The following NTM variants were observed in gnomAD, a reference collection of about 807,000 sequenced individuals.
NTM encodes neurotrimin, also known as IgLON family member 2.
A neutral mutation model predicts 42.1 loss-of-function variants in NTM; 13 were observed. That is an observed-to-expected ratio of 0.31 (90% CI 0.20 to 0.49). The LOEUF is 0.49. NTM is among the 20% of genes least tolerant of loss of function. The pLI is 0.99. For synonymous variants in NTM, 187 were observed against 179.2 expected, an observed-to-expected ratio of 1.04 and a Z score of -0.35; for missense variants, 373 against 452.8, an observed-to-expected ratio of 0.82 and a Z score of 1.60.
chr11:132,130,088 G>A (rs1227238935), intron 2 of NTM, among the ~76,000 whole-genome samples: 1 of 152,204 alleles, frequency 6.6e-6, no homozygotes, highest in African/African-American at 2.4e-5. Flanking sequence ...TAGGACTTTG[G>A]GAGTAGGAGA....
chr11:131,525,349 T>C (rs1437355335), intron 1 of NTM, among the ~76,000 whole-genome samples: 1 of 152,200 alleles, frequency 6.6e-6, no homozygotes. Flanking sequence ...TTGGAAGCTC[T>C]GTTTGAATGT....
chr11:132,324,852 G>C (rs1232893804), intron 7 of NTM, among the ~76,000 whole-genome samples: 32 of 150,180 alleles, frequency 2.1e-4, no homozygotes, highest in East Asian at 2.0e-3. Context: ...ACAGAGCCCT[G>C]AGAAATAATG....
At chr11:132,177,348 ATAT>A (rs2076974661) in intron 3 of NTM, among the ~76,000 whole-genome samples, 1 of 152,204 alleles carries the variant, frequency 6.6e-6, no homozygotes, top group Non-Finnish European at 1.5e-5. Context: ...ACACAAGTAA[ATAT>A]TATAGCTCAG....
At chr11:131,448,813 C>T (rs866879531) in intron 1 of NTM, among the ~76,000 whole-genome samples, 2 of 152,314 alleles carry the variant, frequency 1.3e-5, no homozygotes, top group African/African-American at 2.4e-5. Context: ...CCGGAAGTCA[C>T]GACAAGCCTG....
intron 1 of NTM, among the ~76,000 whole-genome samples, chr11:131,741,162 T>TGAGAGAGAGAGAGAGA (rs71067330): frequency 6.9e-5 from 9 of 129,826 alleles, no homozygotes; most frequent in South Asian, 2.8e-4. Flanking sequence ...AAGACCCCGT[T>TGAGAGAGAGAGAGAGA]GAGAGAGAGA....
At chr11:131,664,490 A>G (rs2068640976) in intron 1 of NTM, among the ~76,000 whole-genome samples, 1 of 152,148 alleles carries the variant, frequency 6.6e-6, no homozygotes. Context: ...AGCCTAGTGG[A>G]GAGCAAAATT....
rs137992234 is a variant in NTM at position 131,807,247 on chromosome 11, C to T, written c.83-104317C>T. 7.7e-4 allele frequency among the ~76,000 whole-genome samples: 118 copies of T among 152,298 alleles called. 1 individual carries two copies. Among genetic ancestry groups the T allele is most frequent in the Middle Eastern group, 3.4e-3 (1 of 294 alleles). On this transcript the variant is annotated intron_variant, in intron 1 of 8. Coordinates refer to ENST00000683400, the MANE Select transcript of NTM (RefSeq NM_001352005.2). The stretch of plus-strand genomic sequence containing the variant: ...GGAATACCACGCTTGGGAATCCAGA[C>T]TTTATTTGATAGGGAATGGGAGCTT...
intron 1 of NTM, among the ~76,000 whole-genome samples, chr11:131,903,108 G>GA (rs1172433317): frequency 2.1e-5 from 3 of 142,898 alleles, no homozygotes; most frequent in South Asian, 2.4e-4. Context: ...AGGAAACACA[G>GA]AAAAAATCCC....
chr11:132,319,143 CCAAG>C (rs2095502648), intron 7 of NTM, among the ~76,000 whole-genome samples: 1 of 152,158 alleles, frequency 6.6e-6, no homozygotes, highest in South Asian at 2.1e-4. Flanking sequence ...AGCTGAGGAG[CCAAG>C]ATGGCCGAAT....
chr11:131,523,141 G>T (rs1483352796), intron 1 of NTM, among the ~76,000 whole-genome samples: 2 of 152,214 alleles, frequency 1.3e-5, no homozygotes, highest in Non-Finnish European at 2.9e-5. Context: ...CATTCTTTCT[G>T]CTAAGTGGCC....
At chr11:132,123,163 A>G (rs1003669326) in intron 2 of NTM, among the ~76,000 whole-genome samples, 1 of 152,138 alleles carries the variant, frequency 6.6e-6, no homozygotes, top group African/African-American at 2.4e-5. Context: ...AGAGGGTCAG[A>G]ACTGTGAGGG....
chr11:131,508,791 A>C (rs2047844102), intron 1 of NTM, among the ~76,000 whole-genome samples: 1 of 150,608 alleles, frequency 6.6e-6, no homozygotes, highest in African/African-American at 2.5e-5. Context: ...AAGAACAAAA[A>C]ACCAAACACC....
chr11:131,802,397 C>T (rs1025418028), intron 1 of NTM, among the ~76,000 whole-genome samples: 2 of 152,214 alleles, frequency 1.3e-5, no homozygotes, highest in Non-Finnish European at 2.9e-5. Context: ...TTTACTCTCC[C>T]TCAGAATTCA....
rs561041486 is a variant in NTM, at chr11:132,305,619, C to A, written c.527-2070C>A. Reference sequence around the variant, plus strand: ...TGGCACAGTAATTATAGCATTCTGGCAGGGGAAGATCTGACAAATGTAAGC... The same window carrying A: ...TGGCACAGTAATTATAGCATTCTGGAAGGGGAAGATCTGACAAATGTAAGC... On this transcript the variant is annotated intron_variant, in intron 4 of 8. Transcript: ENST00000683400. Among the ~76,000 whole-genome samples the A allele has an allele frequency of 7.9e-5, 12 of 152,246 alleles. No homozygotes were observed. The East Asian group carries it at 2.3e-3, about 29-fold the overall frequency.
In NTM at chr11:131,393,154, T is replaced by C. The variant is rs568544338; in HGVS notation, c.82+22266T>C. Among the ~76,000 whole-genome samples the C allele has an allele frequency of 9.9e-5, 15 of 152,256 alleles. No individual in the cohort carries two copies. The East Asian group carries it at 2.9e-3, about 30-fold the overall frequency. On this transcript the variant is annotated intron_variant, in intron 1 of 8. Coordinates refer to ENST00000683400, the MANE Select transcript of NTM (RefSeq NM_001352005.2). ...AGCAGACTGCTGCTGCAGCCACCTGTTAGCCCATCTCCCTGAGCCCAGGGA... is the reference window on the plus strand; with the variant it reads ...AGCAGACTGCTGCTGCAGCCACCTGCTAGCCCATCTCCCTGAGCCCAGGGA...
intron 1 of NTM, among the ~76,000 whole-genome samples, chr11:131,866,276 T>C: frequency 8.0e-6 from 1 of 125,582 alleles, no homozygotes; most frequent in Non-Finnish European, 1.7e-5. Flanking sequence ...GTCCCAAATT[T>C]ACATGGGAAT....
chr11:132,207,010 A>G (rs974590757), intron 3 of NTM, among the ~76,000 whole-genome samples: 1 of 152,202 alleles, frequency 6.6e-6, no homozygotes, highest in Non-Finnish European at 1.5e-5. Flanking sequence ...AAATTGGTAT[A>G]TGTCTGCATG....
At chr11:131,443,737 TC>T (rs1385123736) in intron 1 of NTM, among the ~76,000 whole-genome samples, 2 of 152,174 alleles carry the variant, frequency 1.3e-5, no homozygotes, top group African/African-American at 4.8e-5. Context: ...AAGAGTGACT[TC>T]CATCTTAAGA....
rs916586626 is a variant in NTM at position 132,127,999 on chromosome 11, C to T, written c.168-18283C>T. ...AGATTTACACTTTTCTGGCTTTTGTCGACAAAGGATATTCTCATATTTGGG... is the reference window on the plus strand; with the variant it reads ...AGATTTACACTTTTCTGGCTTTTGTTGACAAAGGATATTCTCATATTTGGG... On this transcript the variant is annotated intron_variant, in intron 2 of 8. Transcript: ENST00000683400. 3.9e-5 allele frequency among the ~76,000 whole-genome samples: 6 copies of T among 152,280 alleles called. No homozygotes were observed. The Middle Eastern group carries it at 0.014, about 345-fold the overall frequency.
Sources: allele counts gnomAD v4.1 joint callset (sites outside exome capture counted in the v4.1 genomes callset), GRCh38; gene constraint gnomAD v4.1.1; transcripts MANE v1.5; gene names NCBI Gene and HGNC (gene_info 2026-07-23, HGNC 2026-07-21).